Variants in PHLDB2 observed in about 807,000 individuals in gnomAD.
PHLDB2 encodes pleckstrin homology-like domain family B member 2.
Under a neutral mutation model 123.6 loss-of-function variants are expected in PHLDB2, and 71 were observed. The ratio of observed to expected loss-of-function variants is 0.57; its 90% CI spans 0.47 to 0.70. The LOEUF (loss-of-function observed/expected upper bound fraction) is 0.70. PHLDB2 is among the 30% of genes least tolerant of loss of function. The pLI is 0.00. For synonymous variants in PHLDB2, 547 were observed against 541.6 expected (o/e 1.01, Z -0.14); for missense variants, 1,446 against 1,519.5 (o/e 0.95, Z 0.80).
At chr3:111,750,908 T>C (rs1203718619) in intron 1 of PHLDB2, among the ~76,000 whole-genome samples, 1 of 146,930 alleles carries the variant, frequency 6.8e-6, no homozygotes, top group Non-Finnish European at 1.5e-5. Context: ...ATCGCACCAC[T>C]GCACTCCAGC....
chr3:111,885,368 C>T lies in PHLDB2; in HGVS notation c.1291C>T (p.Arg431Trp), dbSNP rs772379628. ...TGATGACCTGATGGATTATCACCGG[C>T]GGCAGAGGGAGGAAAGACTCAGGGA... Reference protein sequence around the residue: ...GRDDLMDYHRRQREERLREQE... With the variant: ...GRDDLMDYHRWQREERLREQE... The change falls in exon 2 of 18, where the codon CGG becomes TGG. Residue 431 changes from arginine (R) to tryptophan (W), a missense_variant. Arg to Trp is a moderately radical substitution (Grantham distance 101). This residue lies in a region of PHLDB2 where 832 missense variants were observed against 831.9 expected (regional missense o/e 1.00). Transcript: ENST00000431670. The T allele has an allele frequency of 5.6e-5, 91 of 1,613,930 alleles. No individual in the cohort carries two copies. The highest frequency in any genetic ancestry group is 6.9e-5 in the Non-Finnish European group (81 of 1,180,008).
chr3:111,952,327 G>A (rs990792613), intron 10 of PHLDB2, among the ~76,000 whole-genome samples: 4 of 152,200 alleles, frequency 2.6e-5, no homozygotes, highest in Non-Finnish European at 4.4e-5. Context: ...AAGGCCGCAG[G>A]CACTACAGAA....
chr3:111,802,000 T>TG (rs1205107041), intron 1 of PHLDB2, among the ~76,000 whole-genome samples: 1 of 152,182 alleles, frequency 6.6e-6, no homozygotes, highest in Admixed American at 6.5e-5. Flanking sequence ...TTATAAAGGG[T>TG]GGATATTATA....
chr3:111,748,870 T>TTA (rs1188836310), intron 1 of PHLDB2, among the ~76,000 whole-genome samples: 1 of 152,102 alleles, frequency 6.6e-6, no homozygotes, highest in African/African-American at 2.4e-5. Flanking sequence ...GTCGGGATAC[T>TTA]TATGCTACAT....
At chr3:111,895,796 C>T (rs1437803766) in intron 2 of PHLDB2, among the ~76,000 whole-genome samples, 1 of 152,052 alleles carries the variant, frequency 6.6e-6, no homozygotes, top group Admixed American at 6.5e-5. Context: ...TTGCAGTGAG[C>T]CGAGATCGAG....
chr3:111,930,899 A>G (rs988698683), intron 5 of PHLDB2, among the ~76,000 whole-genome samples: 7 of 152,244 alleles, frequency 4.6e-5, no homozygotes, highest in African/African-American at 1.7e-4. Context: ...TAAGAAAATT[A>G]CATTTCTAAA....
At position 111,877,911 on chromosome 3, in the gene PHLDB2, G is replaced by GTTCCA. The variant is rs201732718; in HGVS notation, c.-14-6150_-14-6146dup. On this transcript the variant is annotated intron_variant, in intron 1 of 17. Coordinates refer to ENST00000431670, the MANE Select transcript of PHLDB2 (RefSeq NM_001134438.2). ...GTGTTATTTCTGAGGTCTCTGTTCT[G>GTTCCA]TTCCATTGGTCTATCTAGTACCATG... is the stretch of plus-strand genomic sequence containing the variant. 7.2e-4 allele frequency among the ~76,000 whole-genome samples: 110 copies of GTTCCA among 152,062 alleles called. No individual in the cohort carries two copies. The East Asian group carries it at 0.019, about 27-fold the overall frequency.
chr3:111,748,103 A>G (rs933891744), intron 1 of PHLDB2, among the ~76,000 whole-genome samples: 2 of 149,560 alleles, frequency 1.3e-5, no homozygotes, highest in African/African-American at 2.5e-5. Flanking sequence ...AAGAGAGCTA[A>G]GAATGCTGGT....
At chr3:111,744,319 C>T (rs2059649624) in intron 1 of PHLDB2, among the ~76,000 whole-genome samples, 1 of 152,218 alleles carries the variant, frequency 6.6e-6, no homozygotes, top group African/African-American at 2.4e-5. Context: ...GGAGCAGACC[C>T]TTCCGCACAT....
intron 1 of PHLDB2, among the ~76,000 whole-genome samples, chr3:111,826,177 C>T (rs2062645213): frequency 6.6e-6 from 1 of 151,918 alleles, no homozygotes; most frequent in African/African-American, 2.4e-5. Flanking sequence ...GGCATGGTGG[C>T]ACGTGTTTGT....
chr3:111,858,764 C>A (rs1388948340), upstream of PHLDB2, among the ~76,000 whole-genome samples: 1 of 152,134 alleles, frequency 6.6e-6, no homozygotes, highest in Non-Finnish European at 1.5e-5. Flanking sequence ...TCGTTGTGCT[C>A]TTCTTTGCTG....
At chr3:111,766,300 G>C (rs149363339) in intron 1 of PHLDB2, among the ~76,000 whole-genome samples, 1 of 151,700 alleles carries the variant, frequency 6.6e-6, no homozygotes, top group Non-Finnish European at 1.5e-5. Context: ...AAAATTAGCC[G>C]GGCATGGTGG....
chr3:111,952,625 G>A lies in PHLDB2; in HGVS notation c.2685G>A (p.Leu895=). The change falls in exon 11 of 18, where the codon CTG becomes CTA. Residue 895 remains leucine, a synonymous_variant. Coordinates refer to ENST00000431670, the MANE Select transcript of PHLDB2 (RefSeq NM_001134438.2). ...RKKQHKEGLY[L]SDTLPRKKTT... ...AACAGCATAAAGAAGGCCTCTATCT[G>A]AGTGATACTTTGCCTCGAAAGAAAA... The A allele has an allele frequency of 1.2e-6, 2 of 1,613,946 alleles. No individual in the cohort carries two copies. Among genetic ancestry groups the A allele is most frequent in the Non-Finnish European group, 1.7e-6 (2 of 1,179,890 alleles).
Position 111,966,687 on chromosome 3 carries a change from G to A in PHLDB2, c.3152G>A (p.Arg1051Gln), listed in dbSNP as rs148574792. Residue 1051 changes from arginine to glutamine, a missense_variant, in exon 14 of 18, where the codon CGG (arginine) becomes CAG (glutamine). Around this residue, in one of 3 missense-constraint regions of PHLDB2, gnomAD observed 594 missense variants for 646.0 expected, o/e 0.92. Coordinates refer to ENST00000431670, the MANE Select transcript of PHLDB2 (RefSeq NM_001134438.2). ...LLKQAHAEKT[R>Q]LLESREREME... is the part of the protein sequence containing the mutation. Reference sequence around the variant, plus strand: ...AAGCAGGCTCATGCAGAAAAGACGCGGCTGCTCGAATCCAGGGTAAGCTTC... The same window carrying A: ...AAGCAGGCTCATGCAGAAAAGACGCAGCTGCTCGAATCCAGGGTAAGCTTC... The A allele has an allele frequency of 2.0e-5, 32 of 1,612,930 alleles. No homozygotes were observed. The highest frequency in any genetic ancestry group is 1.3e-4 in the East Asian group (6 of 44,836).
intron 2 of PHLDB2, among the ~76,000 whole-genome samples, chr3:111,906,678 G>A (rs1331093759): frequency 6.6e-6 from 1 of 152,146 alleles, no homozygotes; most frequent in East Asian, 1.9e-4. Flanking sequence ...TCTCAGTACA[G>A]TTATCTATTA....
intron 1 of PHLDB2, among the ~76,000 whole-genome samples, chr3:111,840,000 C>T (rs546159675): frequency 7.5e-6 from 1 of 134,098 alleles, no homozygotes; most frequent in African/African-American, 2.9e-5. Context: ...GTAATCCCAG[C>T]ACTTCGGGAG....
At chr3:111,967,622 C>G (rs1219153918) in intron 14 of PHLDB2, 56 bp from the exon 15 acceptor site, 1 of 1,499,624 alleles carries the variant, frequency 6.7e-7, no homozygotes, top group Non-Finnish European at 8.9e-7. Flanking sequence ...TTGATTGGAA[C>G]CATTCAAGTA....
chr3:111,893,823 A>G (rs1268517565), intron 2 of PHLDB2, among the ~76,000 whole-genome samples: 3 of 150,102 alleles, frequency 2.0e-5, no homozygotes, highest in Non-Finnish European at 4.4e-5. Context: ...TAGATTGACG[A>G]TGCTACCCAC....
intron 1 of PHLDB2, among the ~76,000 whole-genome samples, chr3:111,745,735 C>G (rs2059669630): frequency 6.6e-6 from 1 of 151,376 alleles, no homozygotes; most frequent in South Asian, 2.1e-4. Context: ...GCCCTCCGGC[C>G]TGGGCAACAG....
Sources: gnomAD v4.1 joint callset for allele counts (sites outside exome capture counted in the v4.1 genomes callset) on GRCh38, gnomAD v4.1.1 for gene constraint, gnomAD v4.1.1 regional missense constraint, MANE v1.5 for transcripts, NCBI Gene and HGNC (gene_info 2026-07-23, HGNC 2026-07-21) for gene names.